The following CFAP54 variants were observed in gnomAD, a reference collection of about 807,000 sequenced individuals.
CFAP54 encodes the protein cilia- and flagella-associated protein 54.
Under a neutral mutation model 370.4 loss-of-function variants are expected in CFAP54, and 290 were observed. The ratio of observed to expected loss-of-function variants is 0.78; its 90% CI spans 0.71 to 0.86. The LOEUF (loss-of-function observed/expected upper bound fraction) is 0.86, where lower values mean the gene tolerates loss of function less well. Among genes scored for constraint, CFAP54 ranks in the 40% least tolerant of loss-of-function variants. CFAP54 has a pLI of 0.00. For synonymous variants in CFAP54, 1,206 were observed against 1,236.5 expected, an observed-to-expected ratio of 0.98 and a Z score of 0.52; for missense variants, 3,399 against 3,528.7, an observed-to-expected ratio of 0.96 and a Z score of 0.93.
At chr12:96,531,827 C>T (rs1833238) in intron 9 of CFAP54, among the ~76,000 whole-genome samples, 54,255 of 152,116 alleles carry the variant, frequency 0.36, 10,709 homozygotes, top group Middle Eastern at 0.46. Flanking sequence ...TGGGTTCAAA[C>T]GATTCTCCTG....
chr12:96,826,967 TA>T (rs1272333391), intron 65 of CFAP54, among the ~76,000 whole-genome samples: 1 of 129,950 alleles, frequency 7.7e-6, no homozygotes, highest in African/African-American at 3.2e-5. Context: ...AATATGCAAT[TA>T]TATATGATTA....
chr12:96,655,744 C>T (rs149147118), intron 36 of CFAP54, among the ~76,000 whole-genome samples: 313 of 151,980 alleles, frequency 2.1e-3, no homozygotes, highest in African/African-American at 7.2e-3. Context: ...TAACCAATTA[C>T]AATGTTTGGA....
intron 15 of CFAP54, among the ~76,000 whole-genome samples, chr12:96,552,194 TGAG>T (rs1360892804): frequency 7.4e-6 from 1 of 135,784 alleles, no homozygotes; most frequent in Non-Finnish European, 1.5e-5. Context: ...TGCAGTGAGC[TGAG>T]ATCACGCCAT....
chr12:96,761,458 G>A (rs1349245575), intron 58 of CFAP54, among the ~76,000 whole-genome samples: 1 of 152,000 alleles, frequency 6.6e-6, no homozygotes, highest in East Asian at 1.9e-4. Context: ...AGTGTCTTTG[G>A]AGGCACAAAG....
chr12:96,774,038 T>C (rs1292414903), intron 60 of CFAP54, among the ~76,000 whole-genome samples: 1 of 152,166 alleles, frequency 6.6e-6, no homozygotes, highest in Non-Finnish European at 1.5e-5. Flanking sequence ...TCTTTTAAAC[T>C]TTTGTTGACA....
chr12:96,703,734 T>G (rs1048127180), intron 46 of CFAP54, among the ~76,000 whole-genome samples: 1 of 152,214 alleles, frequency 6.6e-6, no homozygotes, highest in African/African-American at 2.4e-5. Flanking sequence ...TGGTAACGAT[T>G]TTTTTAAGTG....
chr12:96,817,667 G>A (rs1028761951), intron 64 of CFAP54, 108 bp from the exon 65 acceptor site: 31 of 490,332 alleles, frequency 6.3e-5, no homozygotes, highest in African/African-American at 8.0e-5. Flanking sequence ...TGATCCACCC[G>A]CCTCGGCCTC....
intron 60 of CFAP54, among the ~76,000 whole-genome samples, chr12:96,774,431 C>T (rs943654359): frequency 6.6e-6 from 1 of 152,054 alleles, no homozygotes; most frequent in Admixed American, 6.5e-5. Context: ...GTGTGACAAG[C>T]GGATATAAAT....
Position 96,744,063 on chromosome 12 carries a change from C to G in CFAP54, c.7601C>G (p.Thr2534Ser). Residue 2534 changes from threonine (T) to serine (S), a missense_variant, in exon 55 of 68, where the codon ACT becomes AGT. Coordinates refer to ENST00000524981, the MANE Select transcript of CFAP54 (RefSeq NM_001306084.2). ...ACAATTGAATTTCGTTCATCAAACA[C>G]TAAATATGCAAATCCATTACAGCCT... ...GETIEFRSSNTKYANPLQPLK... is the reference protein window; with the variant it reads ...GETIEFRSSNSKYANPLQPLK... 6.2e-7 allele frequency: 1 copy of G among 1,611,006 alleles called. No individual in the cohort carries two copies. Among genetic ancestry groups the G allele is most frequent in the Non-Finnish European group, 8.5e-7 (1 of 1,178,378 alleles).
intron 63 of CFAP54, among the ~76,000 whole-genome samples, chr12:96,802,984 A>T (rs369191253): frequency 6.6e-6 from 1 of 152,132 alleles, no homozygotes; most frequent in East Asian, 1.9e-4. Context: ...AACTTCATCC[A>T]TGTCCCTGCA....
intron 62 of CFAP54, among the ~76,000 whole-genome samples, chr12:96,790,814 T>C (rs1958683752): frequency 6.6e-6 from 1 of 152,242 alleles, no homozygotes; most frequent in Admixed American, 6.5e-5. Context: ...CCTTTTATGA[T>C]TGTCTCTAGA....
chr12:96,629,136 T>G (rs1956576799), intron 30 of CFAP54, among the ~76,000 whole-genome samples: 1 of 152,134 alleles, frequency 6.6e-6, no homozygotes, highest in Non-Finnish European at 1.5e-5. Context: ...CAGTATTCTC[T>G]GAGTTATAAG....
intron 60 of CFAP54, among the ~76,000 whole-genome samples, chr12:96,770,188 ATGTG>A (rs57662567): frequency 0.34 from 51,031 of 150,928 alleles, 9,066 homozygotes; most frequent in East Asian, 0.58. Context: ...TGAAGGTGGG[ATGTG>A]TGTGTGTGTG....
chr12:96,501,453 C>G (rs1488128377), intron 2 of CFAP54, among the ~76,000 whole-genome samples: 7 of 152,174 alleles, frequency 4.6e-5, no homozygotes, highest in Non-Finnish European at 1.0e-4. Context: ...GTTTCTTGCT[C>G]AGTATTGTAT....
chr12:96,503,094 T>TTCTC (rs148470161), intron 2 of CFAP54, among the ~76,000 whole-genome samples: 1 of 140,294 alleles, frequency 7.1e-6, no homozygotes, highest in Non-Finnish European at 1.6e-5. Context: ...CTTTCTTTCT[T>TTCTC]TCTCTCTCTC....
intron 66 of CFAP54, among the ~76,000 whole-genome samples, chr12:96,830,178 A>G (rs149949409): frequency 6.6e-5 from 10 of 152,280 alleles, no homozygotes; most frequent in African/African-American, 2.2e-4. Context: ...TATTGCTATG[A>G]ACGTTAGTGT....
At chr12:96,829,557 G>A (rs575939939) in intron 66 of CFAP54, among the ~76,000 whole-genome samples, 49 of 152,034 alleles carry the variant, frequency 3.2e-4, no homozygotes, top group Non-Finnish European at 5.4e-4. Flanking sequence ...TGTTGTGTCA[G>A]GTGCCATTTA....
rs1258489910 is a variant in CFAP54, at chr12:96,860,937, G to A, written c.9290G>A (p.Ter3097=). ...LFNWIVSIIP[*] is the part of the protein sequence containing the mutation. ...AACTGGATAGTGTCAATTATTCCCT[G>A]AATATCCTATACACGGTAACCTTAT... is the stretch of plus-strand genomic sequence containing the variant. The change falls in exon 67 of 68, where the codon TGA becomes TAA. Residue 3097 remains the stop codon, a stop_retained_variant. Transcript: ENST00000524981. 2.0e-6 allele frequency: 3 copies of A among 1,532,906 alleles called. No homozygotes were observed. Among genetic ancestry groups the A allele is most frequent in the Non-Finnish European group, 2.6e-6 (3 of 1,145,574 alleles). 95.0% of individuals were successfully genotyped at this position (1,532,906 alleles called of 1,614,324 possible). A position where few individuals can be genotyped will look rare whatever the true frequency, so the allele number is the denominator to read the frequency against.
At chr12:96,601,002 T>A (rs1173434108) in intron 26 of CFAP54, among the ~76,000 whole-genome samples, 1 of 152,206 alleles carries the variant, frequency 6.6e-6, no homozygotes, top group African/African-American at 2.4e-5. Flanking sequence ...CTATGTTGAA[T>A]AGGAGTGGTG....
Sources: allele counts gnomAD v4.1 joint callset (sites outside exome capture counted in the v4.1 genomes callset), GRCh38; gene constraint gnomAD v4.1.1; transcripts MANE v1.5; gene names NCBI Gene and HGNC (gene_info 2026-07-23, HGNC 2026-07-21).